The following RANBP3L variants were observed in gnomAD, a reference collection of about 807,000 sequenced individuals.
RANBP3L encodes the protein ran-binding protein 3-like.
Under a neutral mutation model 67.2 loss-of-function variants are expected in RANBP3L, and 56 were observed. The observed-to-expected ratio is 0.83, with a 90% CI of 0.67 to 1.04. The LOEUF is 1.04. Ranked by LOEUF, RANBP3L falls within the 50% of genes least tolerant of loss-of-function variation. RANBP3L has a pLI of 0.00. For missense variants in RANBP3L, 496 were observed against 535.5 expected, an observed-to-expected ratio of 0.93 and a Z score of 0.73; for synonymous variants, 164 against 181.4, an observed-to-expected ratio of 0.90 and a Z score of 0.77.
intron 8 of RANBP3L, among the ~76,000 whole-genome samples, chr5:36,258,054 T>G (rs1318870918): frequency 1.3e-5 from 2 of 152,162 alleles, no homozygotes; most frequent in Admixed American, 1.3e-4. Context: ...CCCAGAAATT[T>G]ACTCTTGCTA....
rs1749042002 is a variant in RANBP3L at position 36,257,133 on chromosome 5, T to C, written c.773-62A>G. On this transcript the variant is annotated intron_variant, in intron 9 of 13. Transcript: ENST00000296604. ...CATTTTCTCTACTGTGAAAGTTCTT[T>C]GTTGCCCCTATTACCACATATATCT... 5 of 1,446,250 alleles carry C rather than the reference T, an allele frequency of 3.5e-6. No homozygotes were observed. The South Asian group carries it at 6.5e-5, about 19-fold the overall frequency. The allele number at this position is 1,446,250 out of a possible 1,614,324, so 89.6% of individuals were successfully genotyped here.
At chr5:36,284,975 T>C (rs1751223727) in intron 1 of RANBP3L, among the ~76,000 whole-genome samples, 1 of 152,168 alleles carries the variant, frequency 6.6e-6, no homozygotes, top group Non-Finnish European at 1.5e-5. Flanking sequence ...ATCTATTTTG[T>C]ACCAGCTTAA....
At chr5:36,279,278 G>C (rs1384009303) in intron 1 of RANBP3L, among the ~76,000 whole-genome samples, 1 of 152,126 alleles carries the variant, frequency 6.6e-6, no homozygotes, top group African/African-American at 2.4e-5. Context: ...AATTCACAAA[G>C]GAACCACAAG....
rs1168377143 is a variant in RANBP3L at position 36,248,817 on chromosome 5, T to C, written c.*837A>G. 6.6e-6 allele frequency: 1 copy of C among 152,176 alleles called. No homozygotes were observed. The highest frequency in any genetic ancestry group is 1.5e-5 in the Non-Finnish European group (1 of 68,014). The allele number at this position is 152,176 out of a possible 1,614,324, so 9.4% of individuals were successfully genotyped here. On this transcript the variant is annotated 3_prime_UTR_variant, in exon 14 of 14. Transcript: ENST00000296604. ...GAGGATCAAAACTCTATTGTAAAAT[T>C]GTTGAAATTACTGTAGCCTACTATA...
intron 1 of RANBP3L, among the ~76,000 whole-genome samples, chr5:36,285,543 C>T (rs532399313): frequency 6.6e-6 from 1 of 152,260 alleles, no homozygotes; most frequent in Non-Finnish European, 1.5e-5. Context: ...CTAACATATG[C>T]CTTATTGTTA....
At position 36,247,392 on chromosome 5, in the gene RANBP3L, T is replaced by C. The variant is rs998927378; in HGVS notation, c.*2262A>G. ...CTCTTCTCTCTTTGCCTTGCTGATA[T>C]TCTAACCCTACATTTGGTTTTGTTG... On this transcript the variant is annotated 3_prime_UTR_variant, in exon 14 of 14. Coordinates refer to ENST00000296604, the MANE Select transcript of RANBP3L (RefSeq NM_145000.5). Among the ~76,000 whole-genome samples the C allele has an allele frequency of 4.6e-5, 7 of 152,254 alleles. No individual in the cohort carries two copies. The highest frequency in any genetic ancestry group is 1.7e-4 in the African/African-American group (7 of 41,472).
chr5:36,268,343 T>G lies in RANBP3L; in HGVS notation c.268+1047A>C, dbSNP rs1016142176. ...TGTTTTCATTTGGAGTTTTGCTGTTTTGGAAAAATTTCTGTATCACTAATT... is the reference window on the plus strand; with the variant it reads ...TGTTTTCATTTGGAGTTTTGCTGTTGTGGAAAAATTTCTGTATCACTAATT... On this transcript the variant is annotated intron_variant, in intron 4 of 13. Transcript: ENST00000296604. 7 of 1,012,808 alleles carry G rather than the reference T, an allele frequency of 6.9e-6. No homozygotes were observed. The African/African-American group carries it at 1.2e-4, about 17-fold the overall frequency. 62.7% of individuals were successfully genotyped at this position (1,012,808 alleles called of 1,614,324 possible).
intron 4 of RANBP3L, chr5:36,268,363 C>G: frequency 1.5e-6 from 1 of 666,284 alleles, no homozygotes. Flanking sequence ...TTCTGTATCA[C>G]TAATTTAGAA....
At chr5:36,280,298 T>G (rs1750882835) in intron 1 of RANBP3L, among the ~76,000 whole-genome samples, 1 of 152,170 alleles carries the variant, frequency 6.6e-6, no homozygotes, top group African/African-American at 2.4e-5. Context: ...TTGAAAACTC[T>G]TGGGTTGAAG....
Position 36,283,081 on chromosome 5 carries a change from G to T in RANBP3L, c.92-11770C>A, listed in dbSNP as rs1366424634. Among the ~76,000 whole-genome samples, 7 of 152,184 alleles carry T rather than the reference G, an allele frequency of 4.6e-5. No individual in the cohort carries two copies. The East Asian group carries it at 1.4e-3, about 29-fold the overall frequency. The stretch of plus-strand genomic sequence containing the variant: ...AAAATTCCCAGGAAAACTGAAAACA[G>T]TCCTGTAAATTTATCTATTTCTGAG... On this transcript the variant is annotated intron_variant, in intron 1 of 13. Coordinates refer to ENST00000296604, the MANE Select transcript of RANBP3L (RefSeq NM_145000.5).
rs1209255129 is a variant in RANBP3L at position 36,249,667 on chromosome 5, A to G, written c.1385T>C (p.Val462Ala). ...AGTAGGTAGTATTCATGAACAGGCA[A>G]CCGACTGTCTGTGAGTCCAACTAGA... ...DPSSWTHRQS[V>A]ACS Residue 462 changes from valine to alanine, a missense_variant, in exon 14 of 14, where the codon GTT (valine) becomes GCT (alanine). Coordinates refer to ENST00000296604, the MANE Select transcript of RANBP3L (RefSeq NM_145000.5). The G allele has an allele frequency of 1.3e-6, 2 of 1,560,776 alleles. No individual in the cohort carries two copies. The highest frequency in any genetic ancestry group is 1.8e-6 in the Non-Finnish European group (2 of 1,142,332).
chr5:36,261,846 T>C (rs1749413213), intron 7 of RANBP3L, 93 bp downstream of exon 7: 2 of 658,548 alleles, frequency 3.0e-6, no homozygotes, highest in South Asian at 4.4e-5. Context: ...AATTTATCCG[T>C]ACAAGGTCAG....
intron 1 of RANBP3L, among the ~76,000 whole-genome samples, chr5:36,277,246 C>T (rs530499679): frequency 2.3e-4 from 35 of 152,106 alleles, no homozygotes; most frequent in Non-Finnish European, 4.3e-4. Flanking sequence ...TGTCTCACCC[C>T]AATCTCCAGG....
chr5:36,269,150 A>T, intron 4 of RANBP3L, among the ~76,000 whole-genome samples: 1 of 152,224 alleles, frequency 6.6e-6, no homozygotes, highest in East Asian at 1.9e-4. Flanking sequence ...TCTACTTAAG[A>T]TAACCACTGC....
intron 6 of RANBP3L, among the ~76,000 whole-genome samples, chr5:36,264,006 A>G (rs1043665328): frequency 8.5e-5 from 13 of 152,266 alleles, no homozygotes; most frequent in Non-Finnish European, 1.8e-4. Context: ...ATCTCTCCAA[A>G]TAATATCTTA....
At chr5:36,296,453 G>T (rs1466468975) in intron 1 of RANBP3L, among the ~76,000 whole-genome samples, 1 of 152,028 alleles carries the variant, frequency 6.6e-6, no homozygotes, top group Non-Finnish European at 1.5e-5. Context: ...ACATGTCTTG[G>T]TTATCCATGG....
intron 2 of RANBP3L, 71 bp downstream of exon 2, chr5:36,271,182 G>A (rs563441828): frequency 9.5e-5 from 85 of 891,106 alleles, no homozygotes; most frequent in Non-Finnish European, 1.6e-4. Context: ...ATATCTTTCA[G>A]GATAACTAGC....
chr5:36,284,004 A>G (rs973266961), intron 1 of RANBP3L, among the ~76,000 whole-genome samples: 4 of 148,214 alleles, frequency 2.7e-5, no homozygotes, highest in African/African-American at 7.5e-5. Context: ...TTTTTTTGAG[A>G]TGGAGTTTCA....
intron 1 of RANBP3L, among the ~76,000 whole-genome samples, chr5:36,293,988 C>T (rs1752002357): frequency 6.6e-6 from 1 of 152,084 alleles, no homozygotes; most frequent in Non-Finnish European, 1.5e-5. Flanking sequence ...ACCAGTTCCT[C>T]CTTGTACCTC....
Sources: allele counts gnomAD v4.1 joint callset (sites outside exome capture counted in the v4.1 genomes callset), GRCh38; gene constraint gnomAD v4.1.1; transcripts MANE v1.5; gene names NCBI Gene and HGNC (gene_info 2026-07-23, HGNC 2026-07-21).